JARID2: variants seen among roughly 807,000 people sequenced by gnomAD.
JARID2 encodes jumonji and AT-rich interaction domain containing 2.
Under a neutral mutation model 125.6 loss-of-function variants are expected in JARID2, and 21 were observed. The observed-to-expected ratio is 0.17, with a 90% CI of 0.12 to 0.24. The LOEUF (loss-of-function observed/expected upper bound fraction) is 0.24, where lower values mean the gene tolerates loss of function less well. Among genes scored for constraint, JARID2 ranks in the 10% least tolerant of loss-of-function variants. The pLI is 1.00. For synonymous variants in JARID2, 736 were observed against 661.6 expected (o/e 1.11, Z -1.73); for missense variants, 1,303 against 1,639.6 (o/e 0.79, Z 3.55).
intron 6 of JARID2, among the ~76,000 whole-genome samples, chr6:15,493,849 C>T (rs1412437884): frequency 6.6e-6 from 1 of 152,138 alleles, no homozygotes; most frequent in African/African-American, 2.4e-5. Context: ...CAGTACTTAC[C>T]ACGGAATATT....
chr6:15,294,780 G>GT (rs776156139), intron 1 of JARID2, among the ~76,000 whole-genome samples: 16 of 152,134 alleles, frequency 1.1e-4, no homozygotes, highest in Non-Finnish European at 2.4e-4. Flanking sequence ...CTGATGTCGT[G>GT]TGACTTTAGT....
chr6:15,379,426 G>A (rs1353232452), intron 2 of JARID2, among the ~76,000 whole-genome samples: 1 of 152,198 alleles, frequency 6.6e-6, no homozygotes, highest in Admixed American at 6.5e-5. Flanking sequence ...CTCTTTGAGG[G>A]CCCTTGGCCT....
chr6:15,482,653 A>G (rs2127708905), intron 5 of JARID2, among the ~76,000 whole-genome samples: 1 of 152,330 alleles, frequency 6.6e-6, no homozygotes. Flanking sequence ...GATGTATATG[A>G]AGAAAATCAG....
intron 1 of JARID2, among the ~76,000 whole-genome samples, chr6:15,259,483 C>T (rs1372915527): frequency 6.6e-6 from 1 of 152,164 alleles, no homozygotes; most frequent in Non-Finnish European, 1.5e-5. Flanking sequence ...TGTGACAGCA[C>T]CAGGCTGGAC....
chr6:15,469,300 CTCTG>C (rs1485685205), intron 5 of JARID2, among the ~76,000 whole-genome samples: 760 of 39,208 alleles, frequency 0.019, 25 homozygotes, highest in African/African-American at 0.061. Flanking sequence ...GTCTCTCTGT[CTCTG>C]TCTCTCTCTC....
intron 2 of JARID2, among the ~76,000 whole-genome samples, chr6:15,376,957 A>C (rs1018949881): frequency 6.6e-6 from 1 of 152,160 alleles, no homozygotes; most frequent in Non-Finnish European, 1.5e-5. Context: ...TGTGTTGTGC[A>C]TATATATGTG....
chr6:15,339,337 A>G (rs1284755973), intron 1 of JARID2, among the ~76,000 whole-genome samples: 2 of 152,148 alleles, frequency 1.3e-5, no homozygotes, highest in Non-Finnish European at 2.9e-5. Context: ...AAGGATAAAT[A>G]TATTACTCAG....
intron 3 of JARID2, among the ~76,000 whole-genome samples, chr6:15,438,241 A>T (rs193151081): frequency 1.3e-5 from 2 of 152,274 alleles, no homozygotes; most frequent in Non-Finnish European, 2.9e-5. Flanking sequence ...ACAGTTAAAG[A>T]TGGATGCCTC....
intron 3 of JARID2, among the ~76,000 whole-genome samples, chr6:15,441,193 A>T (rs920763746): frequency 6.6e-6 from 1 of 152,212 alleles, no homozygotes; most frequent in Non-Finnish European, 1.5e-5. Context: ...TTGGGATCTA[A>T]AATAGCTGGA....
At chr6:15,349,308 T>C (rs547285889) in intron 1 of JARID2, among the ~76,000 whole-genome samples, 1 of 152,156 alleles carries the variant, frequency 6.6e-6, no homozygotes, top group Non-Finnish European at 1.5e-5. Flanking sequence ...GGATGGAATT[T>C]TGTGGGCAGG....
intron 2 of JARID2, among the ~76,000 whole-genome samples, chr6:15,398,931 C>G (rs1765317540): frequency 6.6e-6 from 1 of 152,220 alleles, no homozygotes; most frequent in South Asian, 2.1e-4. Context: ...TGAGAATTAG[C>G]ATAATCAGAA....
chr6:15,355,430 CTAA>C (rs549534041), intron 1 of JARID2, among the ~76,000 whole-genome samples: 265 of 152,160 alleles, frequency 1.7e-3, no homozygotes, highest in Non-Finnish European at 3.2e-3. Flanking sequence ...GGATAAAATA[CTAA>C]TAATACTAAT....
At chr6:15,269,559 T>A (rs1473526501) in intron 1 of JARID2, among the ~76,000 whole-genome samples, 1 of 149,126 alleles carries the variant, frequency 6.7e-6, no homozygotes. Context: ...TTTGTAGAGA[T>A]GGCTATTTTA....
intron 1 of JARID2, among the ~76,000 whole-genome samples, chr6:15,354,994 A>C (rs1763550198): frequency 6.6e-6 from 1 of 152,212 alleles, no homozygotes. Context: ...ATAAGAGTTC[A>C]AGAAAGAAAT....
chr6:15,371,886 T>C (rs75126368), intron 1 of JARID2, among the ~76,000 whole-genome samples: 1,922 of 152,286 alleles, frequency 0.013, 35 homozygotes, highest in African/African-American at 0.044. Context: ...TGTACCTCCT[T>C]CTTCTAGAGG....
At chr6:15,254,149 C>G (rs941621488) in intron 1 of JARID2, among the ~76,000 whole-genome samples, 1 of 152,168 alleles carries the variant, frequency 6.6e-6, no homozygotes, top group Non-Finnish European at 1.5e-5. Context: ...GGAGCTACCC[C>G]CTTATACCCA....
chr6:15,404,923 G>C (rs1047331216), intron 2 of JARID2, among the ~76,000 whole-genome samples: 9 of 152,106 alleles, frequency 5.9e-5, no homozygotes, highest in African/African-American at 2.2e-4. Context: ...AGAGAGGACT[G>C]GTAAAACTTC....
intron 2 of JARID2, among the ~76,000 whole-genome samples, chr6:15,380,306 A>T (rs1764531250): frequency 6.6e-6 from 1 of 152,136 alleles, no homozygotes; most frequent in Admixed American, 6.5e-5. Flanking sequence ...AAGTGCTGAG[A>T]TTACAAGCGT....
In JARID2 at chr6:15,371,950, G is replaced by A. The variant is rs138850193; in HGVS notation, c.46-2167G>A. Among the ~76,000 whole-genome samples the A allele has an allele frequency of 1.6e-4, 25 of 152,320 alleles. No individual in the cohort carries two copies. In the East Asian group the frequency reaches 4.4e-3, roughly 27 times the overall value. On this transcript the variant is annotated intron_variant, in intron 1 of 17. Transcript: ENST00000341776. Reference sequence around the variant, plus strand: ...TGGCAGGCTTCTGTGAGTGAAGGATGTGAAGGAGAAGGTGGAAATCCTAGT... The same window carrying A: ...TGGCAGGCTTCTGTGAGTGAAGGATATGAAGGAGAAGGTGGAAATCCTAGT...
Sources: gnomAD v4.1 joint callset for allele counts (sites outside exome capture counted in the v4.1 genomes callset) on GRCh38, gnomAD v4.1.1 for gene constraint, MANE v1.5 for transcripts, NCBI Gene and HGNC (gene_info 2026-07-23, HGNC 2026-07-21) for gene names.